Variants in PIAS2 observed in about 807,000 individuals in gnomAD.
The protein encoded by PIAS2 is E3 SUMO-protein ligase PIAS2.
PIAS2 carries 19 observed loss-of-function variants against 69.7 expected under a neutral mutation model. The ratio of observed to expected loss-of-function variants is 0.27; its 90% CI spans 0.19 to 0.40. The LOEUF (loss-of-function observed/expected upper bound fraction) is 0.40. Among genes scored for constraint, PIAS2 ranks in the 10% least tolerant of loss-of-function variants. The pLI is 1.00. For missense variants in PIAS2, 624 were observed against 757.0 expected (o/e 0.82, Z 2.06); for synonymous variants, 261 against 263.2 (o/e 0.99, Z 0.08).
At chr18:46,845,779 G>A (rs961187804) in intron 6 of PIAS2, among the ~76,000 whole-genome samples, 3 of 152,100 alleles carry the variant, frequency 2.0e-5, no homozygotes, top group South Asian at 4.1e-4. Context: ...AACTTATGGT[G>A]TAAATTCTAG....
chr18:46,912,016 T>C (rs1401787367), intron 1 of PIAS2, among the ~76,000 whole-genome samples: 1 of 150,030 alleles, frequency 6.7e-6, no homozygotes, highest in Non-Finnish European at 1.5e-5. Flanking sequence ...GCGCCATTGC[T>C]CTCCAGCCTG....
At chr18:46,855,001 G>A (rs193091865) in intron 5 of PIAS2, among the ~76,000 whole-genome samples, 297 of 149,652 alleles carry the variant, frequency 2.0e-3, no homozygotes, top group African/African-American at 7.1e-3. Context: ...GTACAGTGGT[G>A]CACAACTGTA....
chr18:46,815,231 T>A, intron 13 of PIAS2, 81 bp downstream of exon 13: 1 of 1,143,490 alleles, frequency 8.7e-7, no homozygotes, highest in East Asian at 2.4e-5. Flanking sequence ...TGTCCTGATT[T>A]TATGCAACTG....
chr18:46,855,103 T>TA (rs59957336), intron 5 of PIAS2, among the ~76,000 whole-genome samples: 6,454 of 76,280 alleles, frequency 0.085, 569 homozygotes, highest in African/African-American at 0.18. Context: ...CTTGTCTCTT[T>TA]AAAAAAAAAA....
At chr18:46,842,373 G>A (rs2045548703) in intron 8 of PIAS2, among the ~76,000 whole-genome samples, 1 of 151,008 alleles carries the variant, frequency 6.6e-6, no homozygotes, top group African/African-American at 2.4e-5. Flanking sequence ...ATGGCAAACT[G>A]TATGAAGAAA....
intron 11 of PIAS2, chr18:46,827,709 G>T (rs959168918): frequency 1.7e-5 from 6 of 356,196 alleles, no homozygotes; most frequent in African/African-American, 1.0e-4. Flanking sequence ...ACAGGTTCAA[G>T]AAAATAACAA....
At chr18:46,895,677 G>A (rs929092320) in intron 1 of PIAS2, among the ~76,000 whole-genome samples, 6 of 151,960 alleles carry the variant, frequency 3.9e-5, no homozygotes, top group Admixed American at 1.3e-4. Context: ...TCTCAAAAAA[G>A]AATAATAATC....
rs912849903 is a variant in PIAS2, at chr18:46,810,350, C to G, written c.*2083G>C. The G allele has an allele frequency of 1.3e-5, 2 of 152,012 alleles. No individual in the cohort carries two copies. The highest frequency in any genetic ancestry group is 4.8e-5 in the African/African-American group (2 of 41,396). 9.4% of individuals were successfully genotyped at this position (152,012 alleles called of 1,614,324 possible). A position where few individuals can be genotyped will look rare whatever the true frequency, so the allele number is the denominator to read the frequency against. On this transcript the variant is annotated 3_prime_UTR_variant, in exon 14 of 14. Transcript: ENST00000585916. Reference sequence around the variant, plus strand: ...GACAATCTAAAGGGTAACAAAATAACAAATATACATCATTTCTTTATAAGT... The same window carrying G: ...GACAATCTAAAGGGTAACAAAATAAGAAATATACATCATTTCTTTATAAGT...
intron 2 of PIAS2, 57 bp from the exon 3 acceptor site, chr18:46,864,305 C>G: frequency 8.7e-7 from 1 of 1,146,440 alleles, no homozygotes; most frequent in Non-Finnish European, 1.3e-6. Flanking sequence ...AACACTACAA[C>G]CACCTGCAAT....
chr18:46,849,812 C>T (rs564662813), intron 5 of PIAS2, among the ~76,000 whole-genome samples: 27 of 152,286 alleles, frequency 1.8e-4, no homozygotes, highest in Admixed American at 4.6e-4. Context: ...CAACATGTTG[C>T]CATTCTTGTT....
At chr18:46,894,594 G>A (rs114708418) in intron 1 of PIAS2, among the ~76,000 whole-genome samples, 511 of 152,228 alleles carry the variant, frequency 3.4e-3, no homozygotes, top group Non-Finnish European at 4.1e-3. Flanking sequence ...AAAAAGATAC[G>A]TAATCTAAAT....
intron 10 of PIAS2, among the ~76,000 whole-genome samples, chr18:46,829,003 C>T (rs2043207009): frequency 6.6e-6 from 1 of 152,154 alleles, no homozygotes; most frequent in South Asian, 2.1e-4. Context: ...TTTCCCCTTT[C>T]TTCTTACTCC....
intron 1 of PIAS2, among the ~76,000 whole-genome samples, chr18:46,893,954 C>T (rs971104291): frequency 6.6e-6 from 1 of 152,014 alleles, no homozygotes; most frequent in African/African-American, 2.4e-5. Context: ...GGTGAAACCC[C>T]GTCTCTACTA....
At chr18:46,900,320 G>A (rs1229217798) in intron 1 of PIAS2, among the ~76,000 whole-genome samples, 2 of 151,544 alleles carry the variant, frequency 1.3e-5, no homozygotes, top group Non-Finnish European at 2.9e-5. Context: ...CAGAGATCAC[G>A]CCACTGCACT....
Position 46,820,871 on chromosome 18 carries a change from A to G in PIAS2, c.1648+62T>C. 10 of 1,512,072 alleles carry G rather than the reference A, an allele frequency of 6.6e-6. No individual in the cohort carries two copies. In the South Asian group the frequency reaches 1.1e-4, roughly 17 times the overall value. 93.7% of individuals were successfully genotyped at this position (1,512,072 alleles called of 1,614,324 possible). On this transcript the variant is annotated intron_variant, in intron 12 of 13. Coordinates refer to ENST00000585916, the MANE Select transcript of PIAS2 (RefSeq NM_004671.5). ...TTTCAAAACTATACTGGCTTCACAG[A>G]TTAAGATTAAAAAAAATAAACTTTC...
chr18:46,808,407 G>A lies in PIAS2; in HGVS notation c.*4026C>T, dbSNP rs2040813881. Reference sequence around the variant, plus strand: ...GGCAAGCATTAAAGAATGGACATTGGGTACAGCTTTATTTATTTCTTTTAG... The same window carrying A: ...GGCAAGCATTAAAGAATGGACATTGAGTACAGCTTTATTTATTTCTTTTAG... On this transcript the variant is annotated 3_prime_UTR_variant, in exon 14 of 14. Transcript: ENST00000585916. 6.6e-6 allele frequency: 1 copy of A among 152,150 alleles called. No individual in the cohort carries two copies. Among genetic ancestry groups the A allele is most frequent in the Non-Finnish European group, 1.5e-5 (1 of 68,028 alleles). 9.4% of individuals were successfully genotyped at this position (152,150 alleles called of 1,614,324 possible).
In PIAS2 at chr18:46,810,612, C is replaced by T. The variant is rs1172968710; in HGVS notation, c.*1821G>A. On this transcript the variant is annotated 3_prime_UTR_variant, in exon 14 of 14. Coordinates refer to ENST00000585916, the MANE Select transcript of PIAS2 (RefSeq NM_004671.5). The stretch of plus-strand genomic sequence containing the variant: ...CCCCAACATCTTTAAAATAAGCAGC[C>T]CCCACAAAGGGATAATCCATTGAAT... 1.3e-5 allele frequency: 2 copies of T among 151,884 alleles called. No homozygotes were observed. Among genetic ancestry groups the T allele is most frequent in the Non-Finnish European group, 2.9e-5 (2 of 67,986 alleles). 9.4% of individuals were successfully genotyped at this position (151,884 alleles called of 1,614,324 possible).
chr18:46,882,376 G>A (rs1362466651), intron 2 of PIAS2, among the ~76,000 whole-genome samples: 1 of 152,068 alleles, frequency 6.6e-6, no homozygotes, highest in Non-Finnish European at 1.5e-5. Flanking sequence ...ATACAATGCT[G>A]ATGAGTGTAT....
chr18:46,868,758 A>G (rs1365716874), intron 2 of PIAS2, among the ~76,000 whole-genome samples: 1 of 152,130 alleles, frequency 6.6e-6, no homozygotes, highest in Non-Finnish European at 1.5e-5. Context: ...TGTGACTCCA[A>G]GCTCTTGTTT....
Sources: allele counts gnomAD v4.1 joint callset (sites outside exome capture counted in the v4.1 genomes callset), GRCh38; gene constraint gnomAD v4.1.1; transcripts MANE v1.5; gene names NCBI Gene and HGNC (gene_info 2026-07-23, HGNC 2026-07-21).